Variants in SEC14L1 observed in about 807,000 individuals in gnomAD.
The protein encoded by SEC14L1 is SEC14-like protein 1.
SEC14L1 carries 48 observed loss-of-function variants against 85.3 expected under a neutral mutation model. That is an observed-to-expected ratio of 0.56 (90% CI 0.45 to 0.72). The LOEUF (loss-of-function observed/expected upper bound fraction) is 0.72, where lower values mean the gene tolerates loss of function less well. Among genes scored for constraint, SEC14L1 ranks in the 30% least tolerant of loss-of-function variants. The pLI, the probability that SEC14L1 is intolerant of heterozygous loss-of-function variation, is 0.00. For synonymous variants in SEC14L1, 391 were observed against 355.5 expected (o/e 1.10, Z -1.12); for missense variants, 682 against 921.4 (o/e 0.74, Z 3.36).
Position 77,213,809 on chromosome 17 carries a change from G to A in SEC14L1, c.2043-109G>A. ...CCCGTTTGCAAGCACTGATGGGGAT[G>A]AGAAGTGAGCAGAGAACAGGGTGGG... On this transcript the variant is annotated intron_variant, in intron 16 of 16. Coordinates refer to ENST00000436233, the MANE Select transcript of SEC14L1 (RefSeq NM_001143998.2). The surrounding 1 kb of genome is among the most constrained non-coding windows in gnomAD (Gnocchi z 7.1). 7.3e-7 allele frequency: 1 copy of A among 1,368,566 alleles called. No homozygotes were observed. The highest frequency in any genetic ancestry group is 1.4e-5 in the African/African-American group (1 of 70,334). 84.8% of individuals were successfully genotyped at this position (1,368,566 alleles called of 1,614,324 possible). A position where few individuals can be genotyped will look rare whatever the true frequency, so the allele number is the denominator to read the frequency against.
intron 3 of SEC14L1, among the ~76,000 whole-genome samples, chr17:77,188,848 G>T (rs769465579): frequency 3.9e-5 from 6 of 152,248 alleles, no homozygotes; most frequent in Non-Finnish European, 7.4e-5. Flanking sequence ...ACTCCTTTGT[G>T]ATTTTAATTT....
At chr17:77,100,428 C>CTTTTT (rs1188386603) in intron 3 of SEC14L1, among the ~76,000 whole-genome samples, 21 of 25,574 alleles carry the variant, frequency 8.2e-4, no homozygotes, top group Non-Finnish European at 1.2e-3. Flanking sequence ...CTCTCTCTCT[C>CTTTTT]TTTTTTTTTT....
intron 3 of SEC14L1, among the ~76,000 whole-genome samples, chr17:77,132,835 C>CT (rs368287606): frequency 9.8e-4 from 147 of 150,274 alleles, no homozygotes; most frequent in African/African-American, 3.2e-3. Flanking sequence ...CTCCCCTAAA[C>CT]TATACCCCAA....
chr17:77,211,588 G>T (rs927945705), intron 14 of SEC14L1: 5 of 201,156 alleles, frequency 2.5e-5, no homozygotes, highest in Admixed American at 1.7e-4. Flanking sequence ...CTTCTCCAGG[G>T]CCTTCTGTTC....
upstream of SEC14L1, among the ~76,000 whole-genome samples, chr17:77,136,350 TCTTTC>T (rs1356850266): frequency 2.4e-5 from 3 of 126,006 alleles, no homozygotes; most frequent in South Asian, 2.8e-4. Flanking sequence ...CCTTCCTTTC[TCTTTC>T]TTTTTTCTTT....
intron 3 of SEC14L1, among the ~76,000 whole-genome samples, chr17:77,155,972 T>C (rs1450985318): frequency 6.6e-6 from 1 of 152,176 alleles, no homozygotes; most frequent in Non-Finnish European, 1.5e-5. Context: ...CAGCCTCCTC[T>C]CCATGGCGAG....
chr17:77,196,198 C>T lies in SEC14L1; in HGVS notation c.710-4C>T, dbSNP rs1975799488. The T allele has an allele frequency of 6.2e-7, 1 of 1,607,878 alleles. No homozygotes were observed. The highest frequency in any genetic ancestry group is 1.7e-4 in the Middle Eastern group (1 of 5,996). ...GTTGTAAATAAATGTCACTTACATT[C>T]CAGACAAACTAGATGCCGACTACAT... On this transcript the variant is annotated splice_polypyrimidine_tract_variant and splice_region_variant and intron_variant, in intron 7 of 16. Transcript: ENST00000436233.
At chr17:77,143,284 A>G (rs1462577348) in intron 2 of SEC14L1, among the ~76,000 whole-genome samples, 1 of 152,230 alleles carries the variant, frequency 6.6e-6, no homozygotes, top group Admixed American at 6.5e-5. Flanking sequence ...AGGTCATGTA[A>G]TGAATGCAGA....
At chr17:77,210,069 C>G (rs55804224) in intron 14 of SEC14L1, 7,981 of 152,380 alleles carry the variant, frequency 0.052, 317 homozygotes, top group Admixed American at 0.12. Context: ...TCTCGAACAC[C>G]TGACCTCAGG....
rs1223310769 is a variant in SEC14L1 at position 77,141,860 on chromosome 17, T to TA, written c.-136+757dup. 7 of 152,342 alleles carry TA rather than the reference T, an allele frequency of 4.6e-5. No individual in the cohort carries two copies. In the South Asian group the frequency reaches 1.2e-3, roughly 27 times the overall value. 9.4% of individuals were successfully genotyped at this position (152,342 alleles called of 1,614,324 possible). On this transcript the variant is annotated intron_variant, in intron 1 of 16. Coordinates refer to ENST00000436233, the MANE Select transcript of SEC14L1 (RefSeq NM_001143998.2). ...CGTCCTCATATCTGGGAGAGTACCC[T>TA]AAAATTAATATTCCCAATTAAATTT...
At chr17:77,194,341 G>A (rs1850530387) in intron 6 of SEC14L1, among the ~76,000 whole-genome samples, 1 of 152,124 alleles carries the variant, frequency 6.6e-6, no homozygotes, top group Admixed American at 6.5e-5. Flanking sequence ...GATTGCTCGA[G>A]CCCAAGAGTT....
rs12953177 is a variant in SEC14L1, at chr17:77,128,261, C to G, written c.-135-14385C>G. ...GCACACCAGTTCTCCCCGCTAATGT[C>G]TAGTAGGCAGCTGGGGGTCACCTCT... is the stretch of plus-strand genomic sequence containing the variant. On this transcript the variant is annotated intron_variant, in intron 3 of 19. Transcript: ENST00000392476. Among the ~76,000 whole-genome samples the G allele has an allele frequency of 3.3e-5, 5 of 152,234 alleles. No homozygotes were observed. In the East Asian group the frequency reaches 9.7e-4, roughly 29 times the overall value.
At chr17:77,158,858 C>G (rs1437433549) in intron 3 of SEC14L1, among the ~76,000 whole-genome samples, 1 of 108,526 alleles carries the variant, frequency 9.2e-6, no homozygotes, top group African/African-American at 3.6e-5. Context: ...GTTGCCTAGG[C>G]TGGAGTGCAG....
intron 3 of SEC14L1, among the ~76,000 whole-genome samples, chr17:77,161,324 T>A (rs1244649493): frequency 2.0e-5 from 3 of 152,126 alleles, no homozygotes; most frequent in Admixed American, 6.5e-5. Context: ...CTGTCTGTAC[T>A]AAAAATACAA....
intron 3 of SEC14L1, among the ~76,000 whole-genome samples, chr17:77,153,188 C>T (rs1973644370): frequency 6.6e-6 from 1 of 152,206 alleles, no homozygotes; most frequent in African/African-American, 2.4e-5. Context: ...CTGCCTCAGC[C>T]TCTGAGTAGC....
At chr17:77,190,728 G>C in intron 3 of SEC14L1, 75 bp from the exon 4 acceptor site, 1 of 1,505,668 alleles carries the variant, frequency 6.6e-7, no homozygotes, top group South Asian at 1.2e-5. Context: ...GCTGTTCCAG[G>C]GAGAACACAG....
chr17:77,216,582 C>T lies in SEC14L1; in HGVS notation c.*2559C>T, dbSNP rs1183722601. On this transcript the variant is annotated 3_prime_UTR_variant, in exon 17 of 17. Transcript: ENST00000436233. ...TTTGCTGACAGCTGCCAAGAAAATGCTTCACTCAACAGTCCTCATGTGCCC... is the reference window on the plus strand; with the variant it reads ...TTTGCTGACAGCTGCCAAGAAAATGTTTCACTCAACAGTCCTCATGTGCCC... 5 of 1,613,224 alleles carry T rather than the reference C, an allele frequency of 3.1e-6. No homozygotes were observed. Among genetic ancestry groups the T allele is most frequent in the Non-Finnish European group, 3.4e-6 (4 of 1,179,474 alleles).
chr17:77,200,875 C>T (rs763058382), intron 9 of SEC14L1, among the ~76,000 whole-genome samples: 6 of 152,318 alleles, frequency 3.9e-5, no homozygotes, highest in Non-Finnish European at 7.4e-5. Context: ...CCCCGGGCAG[C>T]CAGGAAGGGC....
chr17:77,127,116 C>T (rs575828833), intron 3 of SEC14L1, among the ~76,000 whole-genome samples: 25 of 152,070 alleles, frequency 1.6e-4, no homozygotes, highest in African/African-American at 6.0e-4. Context: ...GACACGTCCT[C>T]TTAAGTTCCC....
Sources: allele counts gnomAD v4.1 joint callset (sites outside exome capture counted in the v4.1 genomes callset), GRCh38; gene constraint gnomAD v4.1.1; non-coding constraint Gnocchi (gnomAD v3.1); transcripts MANE v1.5; gene names NCBI Gene and HGNC (gene_info 2026-07-23, HGNC 2026-07-21).